Variants in HSDL2 observed in about 807,000 individuals in gnomAD.
The protein encoded by HSDL2 is hydroxysteroid dehydrogenase-like protein 2.
A neutral mutation model predicts 46.3 loss-of-function variants in HSDL2; 27 were observed. That is an observed-to-expected ratio of 0.58 (90% CI 0.43 to 0.80). The LOEUF (loss-of-function observed/expected upper bound fraction) is 0.80, where lower values mean the gene tolerates loss of function less well. HSDL2 is among the 30% of genes least tolerant of loss of function. The pLI, the probability that HSDL2 is intolerant of heterozygous loss-of-function variation, is 0.00. For missense variants in HSDL2, 451 were observed against 502.7 expected (o/e 0.90, Z 0.98); for synonymous variants, 153 against 163.6 (o/e 0.94, Z 0.50).
Position 112,416,852 on chromosome 9 carries a change from G to C in HSDL2, c.407G>C (p.Cys136Ser). ...TRGTYLASKA[C>S]IPYLKKSKVA... ...TCTTTTGCTTTCAGATCTAAAGCATGTATTCCTTATTTGAAAAAGAGCAAA... is the reference window on the plus strand; with the variant it reads ...TCTTTTGCTTTCAGATCTAAAGCATCTATTCCTTATTTGAAAAAGAGCAAA... The change falls in exon 5 of 11, where the codon TGT becomes TCT. Residue 136 changes from cysteine to serine, a missense_variant. Coordinates refer to ENST00000398805, the MANE Select transcript of HSDL2 (RefSeq NM_032303.5). The C allele has an allele frequency of 6.6e-7, 1 of 1,521,674 alleles. No individual in the cohort carries two copies. The highest frequency in any genetic ancestry group is 9.1e-7 in the Non-Finnish European group (1 of 1,096,854). The allele number at this position is 1,521,674 out of a possible 1,614,324, so 94.3% of individuals were successfully genotyped here. A position where few individuals can be genotyped will look rare whatever the true frequency, so the allele number is the denominator to read the frequency against.
intron 1 of HSDL2, among the ~76,000 whole-genome samples, chr9:112,387,918 C>T (rs1490748064): frequency 1.3e-5 from 2 of 151,714 alleles, no homozygotes; most frequent in Admixed American, 1.3e-4. Flanking sequence ...CAGCACTTTG[C>T]AAGACCAAGG....
Position 112,459,594 on chromosome 9 carries a change from A to G in HSDL2, c.1144+17A>G. ...TGTTTTCAGGTGAGTTTTCCAGTTT[A>G]TTAGTTTACCTTATTGTTCAGAGAA... On this transcript the variant is annotated intron_variant, in intron 10 of 10. Transcript: ENST00000398805. 1.9e-6 allele frequency: 3 copies of G among 1,608,118 alleles called. No homozygotes were observed. Among genetic ancestry groups the G allele is most frequent in the Non-Finnish European group, 2.6e-6 (3 of 1,175,154 alleles).
In HSDL2 at chr9:112,462,206, G is replaced by T. The variant is rs189173018; in HGVS notation, c.1144+2629G>T. Among the ~76,000 whole-genome samples the T allele has an allele frequency of 1.6e-3, 246 of 152,282 alleles. 1 individual carries two copies. The highest frequency in any genetic ancestry group is 5.8e-3 in the African/African-American group (241 of 41,548). The stretch of plus-strand genomic sequence containing the variant: ...AGGCCAGGCGTGGTGGTTCATTTCT[G>T]TAATCCCAGCACTTTGGGAGGCCAA... On this transcript the variant is annotated intron_variant, in intron 10 of 10. Transcript: ENST00000398805.
intron 9 of HSDL2, among the ~76,000 whole-genome samples, chr9:112,454,688 C>CT (rs199896808): frequency 6.6e-6 from 1 of 151,936 alleles, no homozygotes; most frequent in Non-Finnish European, 1.5e-5. Flanking sequence ...CTTTTTTTCA[C>CT]TTTTTTTATT....
chr9:112,449,477 T>C (rs1832830117), intron 8 of HSDL2, among the ~76,000 whole-genome samples: 1 of 152,232 alleles, frequency 6.6e-6, no homozygotes. Context: ...CACCAGACTT[T>C]AAATTTTATT....
intron 5 of HSDL2, among the ~76,000 whole-genome samples, chr9:112,417,659 G>T (rs1832023044): frequency 6.6e-6 from 1 of 151,958 alleles, no homozygotes; most frequent in Non-Finnish European, 1.5e-5. Context: ...CTTGGAATGG[G>T]AACCCACAGA....
intron 6 of HSDL2, among the ~76,000 whole-genome samples, chr9:112,422,252 A>G (rs1262425979): frequency 6.6e-6 from 1 of 152,218 alleles, no homozygotes; most frequent in African/African-American, 2.4e-5. Context: ...GAACAGTGCT[A>G]TAAGGAAACA....
intron 6 of HSDL2, among the ~76,000 whole-genome samples, chr9:112,431,165 G>A (rs1832385064): frequency 1.3e-5 from 2 of 152,122 alleles, no homozygotes; most frequent in African/African-American, 4.8e-5. Context: ...AGCAGATGGA[G>A]GGCAAGCTTA....
At chr9:112,467,472 G>C (rs905810687) in intron 10 of HSDL2, among the ~76,000 whole-genome samples, 2 of 152,168 alleles carry the variant, frequency 1.3e-5, no homozygotes, top group African/African-American at 4.8e-5. Context: ...GTTGAAACTA[G>C]ATAGATACCA....
chr9:112,402,855 G>A (rs1293363935), intron 1 of HSDL2, among the ~76,000 whole-genome samples: 1 of 152,062 alleles, frequency 6.6e-6, no homozygotes, highest in East Asian at 1.9e-4. Flanking sequence ...TGAAGCAGGA[G>A]AATTGCTTGA....
intron 8 of HSDL2, among the ~76,000 whole-genome samples, chr9:112,448,368 C>T (rs1832794662): frequency 6.6e-6 from 1 of 151,776 alleles, no homozygotes; most frequent in Non-Finnish European, 1.5e-5. Context: ...CAGATTTTAC[C>T]ATAAGTAAGG....
At chr9:112,393,178 A>G (rs903006612) in intron 1 of HSDL2, among the ~76,000 whole-genome samples, 1 of 152,220 alleles carries the variant, frequency 6.6e-6, no homozygotes, top group Non-Finnish European at 1.5e-5. Flanking sequence ...TTTAGTCCAG[A>G]AAGACTTTCT....
In HSDL2 at chr9:112,471,864, T is replaced by C. The variant is rs1693271991; in HGVS notation, c.*1320T>C. The C allele has an allele frequency of 6.6e-6, 1 of 152,216 alleles. No homozygotes were observed. The allele number at this position is 152,216 out of a possible 1,614,324, so 9.4% of individuals were successfully genotyped here. A position where few individuals can be genotyped will look rare whatever the true frequency, so the allele number is the denominator to read the frequency against. ...TTGCTTCTCAGCTTCCACTCTAATA[T>C]TGTTGTGCCATTAAGCAATTTAGCT... is the stretch of plus-strand genomic sequence containing the variant. On this transcript the variant is annotated 3_prime_UTR_variant, in exon 11 of 11. Transcript: ENST00000398805.
At chr9:112,405,047 A>G (rs1261879638) in intron 2 of HSDL2, among the ~76,000 whole-genome samples, 1 of 152,228 alleles carries the variant, frequency 6.6e-6, no homozygotes, top group East Asian at 1.9e-4. Context: ...TTCCACAATA[A>G]AAAGTTTTTA....
chr9:112,380,254 C>G, intron 1 of HSDL2, 74 bp downstream of exon 1: 1 of 1,447,156 alleles, frequency 6.9e-7, no homozygotes, highest in South Asian at 1.3e-5. Flanking sequence ...CGCCGCGGAT[C>G]GCCCGGGCTG....
Position 112,470,657 on chromosome 9 carries a change from G to C in HSDL2, c.*113G>C. The C allele has an allele frequency of 1.7e-6, 1 of 581,862 alleles. No homozygotes were observed. Among genetic ancestry groups the C allele is most frequent in the Non-Finnish European group, 3.0e-6 (1 of 337,388 alleles). 36.0% of individuals were successfully genotyped at this position (581,862 alleles called of 1,614,324 possible). A position where few individuals can be genotyped will look rare whatever the true frequency, so the allele number is the denominator to read the frequency against. ...TTATATTATAAGGATATGCACGTTT[G>C]TTCTGGAAAAGATAGAATTTGTCTC... On this transcript the variant is annotated 3_prime_UTR_variant, in exon 11 of 11. Coordinates refer to ENST00000398805, the MANE Select transcript of HSDL2 (RefSeq NM_032303.5).
At chr9:112,435,030 T>C (rs1406033982) in intron 6 of HSDL2, among the ~76,000 whole-genome samples, 1 of 152,198 alleles carries the variant, frequency 6.6e-6, no homozygotes, top group Non-Finnish European at 1.5e-5. Flanking sequence ...TTGATCCTAC[T>C]GTTAACCTGC....
intron 1 of HSDL2, among the ~76,000 whole-genome samples, chr9:112,394,306 G>A (rs529008110): frequency 6.6e-6 from 1 of 152,254 alleles, no homozygotes; most frequent in South Asian, 2.1e-4. Flanking sequence ...CCTCAGGGCT[G>A]GGGTGGGCGG....
intron 10 of HSDL2, chr9:112,469,974 T>C (rs1192988339): frequency 6.6e-6 from 1 of 152,406 alleles, no homozygotes; most frequent in Non-Finnish European, 1.5e-5. Context: ...AAAGTAATGC[T>C]AACACATATT....
Sources: gnomAD v4.1 joint callset for allele counts (sites outside exome capture counted in the v4.1 genomes callset) on GRCh38, gnomAD v4.1.1 for gene constraint, MANE v1.5 for transcripts, NCBI Gene and HGNC (gene_info 2026-07-23, HGNC 2026-07-21) for gene names.